The following PIK3CA variants were observed in gnomAD, a reference collection of about 807,000 sequenced individuals.
PIK3CA encodes phosphatidylinositol 4,5-bisphosphate 3-kinase catalytic subunit alpha isoform.
PIK3CA carries 27 observed loss-of-function variants against 138.2 expected under a neutral mutation model. The ratio of observed to expected loss-of-function variants is 0.20; its 90% CI spans 0.14 to 0.27. The LOEUF (loss-of-function observed/expected upper bound fraction) is 0.27. Ranked by LOEUF, PIK3CA falls within the 10% of genes least tolerant of loss-of-function variation. The pLI is 1.00. For synonymous variants in PIK3CA, 358 were observed against 413.2 expected (o/e 0.87, Z 1.62); for missense variants, 544 against 1,277.4 (o/e 0.43, Z 8.75).
At chr3:179,232,080 T>G (rs755868363) in intron 20 of PIK3CA, among the ~76,000 whole-genome samples, 1 of 152,220 alleles carries the variant, frequency 6.6e-6, no homozygotes, top group Non-Finnish European at 1.5e-5. Context: ...ACTTTGATGA[T>G]TCTTTCTTTT....
chr3:179,181,770 A>T (rs975757228), intron 1 of PIK3CA, among the ~76,000 whole-genome samples: 3 of 152,192 alleles, frequency 2.0e-5, no homozygotes, highest in Admixed American at 2.0e-4. Context: ...CTATCAAAAG[A>T]GTATCAGCTA....
chr3:179,228,348 T>C lies in PIK3CA; in HGVS notation c.2496-924T>C, dbSNP rs1040598545. On this transcript the variant is annotated intron_variant, in intron 17 of 20. Transcript: ENST00000263967. ...GACCATGCAGGATACTATAAAATCA[T>C]GTATGGGTAAGAGATCCATTAAAAG... Among the ~76,000 whole-genome samples, 8 of 152,014 alleles carry C rather than the reference T, an allele frequency of 5.3e-5. No individual in the cohort carries two copies. The South Asian group carries it at 1.5e-3, about 28-fold the overall frequency.
Position 179,161,902 on chromosome 3 carries a change from T to A in PIK3CA, c.-77+13299T>A, listed in dbSNP as rs111701920. ...CACTATATGTATATTTATATTTTTTTAAAAAGCTGAGTGATTAAACATTAT... is the reference window on the plus strand; with the variant it reads ...CACTATATGTATATTTATATTTTTTAAAAAAGCTGAGTGATTAAACATTAT... On this transcript the variant is annotated intron_variant, in intron 1 of 20. Transcript: ENST00000263967. Among the ~76,000 whole-genome samples, 208 of 152,300 alleles carry A rather than the reference T, an allele frequency of 1.4e-3. 3 individuals are homozygous for A. The highest frequency in any genetic ancestry group is 4.4e-3 in the African/African-American group (185 of 41,578).
intron 17 of PIK3CA, 65 bp downstream of exon 17, chr3:179,226,105 T>C: frequency 2.4e-6 from 2 of 822,804 alleles, no homozygotes; most frequent in Non-Finnish European, 4.2e-6. Flanking sequence ...TATTAATAAT[T>C]ATAGAAGCAT....
chr3:179,213,871 T>G (rs1388753019), intron 9 of PIK3CA, among the ~76,000 whole-genome samples: 1 of 152,266 alleles, frequency 6.6e-6, no homozygotes, highest in Non-Finnish European at 1.5e-5. Flanking sequence ...TTATCTTGGC[T>G]AGATCTTCTG....
At chr3:179,175,007 T>G (rs1012296229) in intron 1 of PIK3CA, among the ~76,000 whole-genome samples, 1 of 152,218 alleles carries the variant, frequency 6.6e-6, no homozygotes, top group African/African-American at 2.4e-5. Context: ...TGATTTAATC[T>G]TGATTGCTTG....
chr3:179,193,429 A>G (rs1724186794), intron 1 of PIK3CA, among the ~76,000 whole-genome samples: 3 of 152,224 alleles, frequency 2.0e-5, no homozygotes, highest in Admixed American at 2.0e-4. Context: ...TTCGCTGAGA[A>G]GTGACCATTG....
At chr3:179,182,321 A>T (rs1454075459) in intron 1 of PIK3CA, among the ~76,000 whole-genome samples, 1 of 152,198 alleles carries the variant, frequency 6.6e-6, no homozygotes, top group African/African-American at 2.4e-5. Flanking sequence ...TTTATTGTTT[A>T]ACTGCATGCC....
At chr3:179,199,314 A>C in intron 2 of PIK3CA, 137 bp downstream of exon 2, 1 of 566,250 alleles carries the variant, frequency 1.8e-6, no homozygotes, top group Non-Finnish European at 3.0e-6. Context: ...AATCTAAAGT[A>C]TGTTTTACTA....
At chr3:179,153,594 A>G (rs980484099) in intron 1 of PIK3CA, among the ~76,000 whole-genome samples, 1 of 152,234 alleles carries the variant, frequency 6.6e-6, no homozygotes, top group Non-Finnish European at 1.5e-5. Context: ...TTGGGTCCCT[A>G]GTATGTCTCA....
At chr3:179,232,370 C>T (rs1725233027) in intron 20 of PIK3CA, among the ~76,000 whole-genome samples, 2 of 152,206 alleles carry the variant, frequency 1.3e-5, no homozygotes, top group South Asian at 4.1e-4. Flanking sequence ...AACAGAATGT[C>T]CTTTCTCCAA....
At chr3:179,221,308 A>T in intron 14 of PIK3CA, 151 bp downstream of exon 14, 1 of 566,888 alleles carries the variant, frequency 1.8e-6, no homozygotes, top group Non-Finnish European at 3.2e-6. Flanking sequence ...GTGTAGTGTT[A>T]GACACGTCAT....
chr3:179,165,577 G>A (rs913002197), intron 1 of PIK3CA, among the ~76,000 whole-genome samples: 8 of 152,100 alleles, frequency 5.3e-5, no homozygotes, highest in African/African-American at 1.9e-4. Context: ...ATTTTAATAA[G>A]GCTTCCCTCT....
intron 1 of PIK3CA, among the ~76,000 whole-genome samples, chr3:179,191,444 T>C (rs534386888): frequency 6.5e-4 from 99 of 152,324 alleles, no homozygotes; most frequent in African/African-American, 2.3e-3. Context: ...TCTATACTTG[T>C]GGAACATAAA....
rs544108007 is a variant in PIK3CA at position 179,177,437 on chromosome 3, T to G, written c.-76-21313T>G. On this transcript the variant is annotated intron_variant, in intron 1 of 20. Transcript: ENST00000263967. The stretch of plus-strand genomic sequence containing the variant: ...AAGTGATTCTCCTGCCTCAGCCTCC[T>G]GAGTAGCTGGGATTACAGGCATCTG... Among the ~76,000 whole-genome samples the G allele has an allele frequency of 5.9e-5, 9 of 151,714 alleles. No homozygotes were observed. In the South Asian group the frequency reaches 8.3e-4, roughly 14 times the overall value.
In PIK3CA at chr3:179,229,537, A is replaced by C. The variant is rs3729692; in HGVS notation, c.2666+95A>C. Reference sequence around the variant, plus strand: ...TATTCCTCTGAGTTAGAACAGAGAAAACAATTGTACTTTCTATGGAAAAAA... The same window carrying C: ...TATTCCTCTGAGTTAGAACAGAGAACACAATTGTACTTTCTATGGAAAAAA... On this transcript the variant is annotated intron_variant, in intron 18 of 20. Transcript: ENST00000263967. 0.05 allele frequency: 41,310 copies of C among 834,288 alleles called. 1,210 individuals carry two copies. The highest frequency in any genetic ancestry group is 0.054 in the Non-Finnish European group (30,132 of 562,608). 51.7% of individuals were successfully genotyped at this position (834,288 alleles called of 1,614,324 possible).
chr3:179,170,723 T>C (rs1351086899), intron 1 of PIK3CA, among the ~76,000 whole-genome samples: 1 of 152,184 alleles, frequency 6.6e-6, no homozygotes, highest in African/African-American at 2.4e-5. Flanking sequence ...TTCAAAATTA[T>C]GAAGTGACAA....
At chr3:179,217,411 A>G (rs1724861473) in intron 9 of PIK3CA, among the ~76,000 whole-genome samples, 1 of 152,150 alleles carries the variant, frequency 6.6e-6, no homozygotes, top group Non-Finnish European at 1.5e-5. Context: ...TTTAATAAAT[A>G]CTTGTTGAAC....
chr3:179,158,557 A>G, intron 1 of PIK3CA, among the ~76,000 whole-genome samples: 1 of 152,120 alleles, frequency 6.6e-6, no homozygotes, highest in South Asian at 2.1e-4. Context: ...CTTATATTAC[A>G]GGGCTTTTAA....
Sources: allele counts gnomAD v4.1 joint callset (sites outside exome capture counted in the v4.1 genomes callset), GRCh38; gene constraint gnomAD v4.1.1; transcripts MANE v1.5; gene names NCBI Gene and HGNC (gene_info 2026-07-23, HGNC 2026-07-21).